COL5A2: variants seen among roughly 807,000 people sequenced by gnomAD.
COL5A2 encodes the protein collagen alpha-2(V) chain.
A neutral mutation model predicts 208.2 loss-of-function variants in COL5A2; 23 were observed. That is an observed-to-expected ratio of 0.11 (90% CI 0.08 to 0.16). The LOEUF (loss-of-function observed/expected upper bound fraction) is 0.16. COL5A2 is among the 10% of genes least tolerant of loss of function. The pLI, the probability that COL5A2 is intolerant of heterozygous loss-of-function variation, is 1.00. For missense variants in COL5A2, 1,590 were observed against 1,956.4 expected, an observed-to-expected ratio of 0.81 and a Z score of 3.53; for synonymous variants, 625 against 628.5, an observed-to-expected ratio of 0.99 and a Z score of 0.08.
chr2:189,376,348 A>G, the COL5A2 span, among the ~76,000 whole-genome samples: 1 of 152,138 alleles, frequency 6.6e-6, no homozygotes, highest in Non-Finnish European at 1.5e-5. Flanking sequence ...ATGAGATTTA[A>G]GTAGATGGGG....
At chr2:189,248,978 T>C in the COL5A2 span, among the ~76,000 whole-genome samples, 1 of 152,180 alleles carries the variant, frequency 6.6e-6, no homozygotes, top group East Asian at 1.9e-4. Flanking sequence ...TGATTTGGGA[T>C]AAATTAATAG....
At chr2:189,305,250 C>G in the COL5A2 span, among the ~76,000 whole-genome samples, 1 of 152,192 alleles carries the variant, frequency 6.6e-6, no homozygotes, top group South Asian at 2.1e-4. Flanking sequence ...GGCCCAACAG[C>G]AGAGCTTCGC....
chr2:189,364,685 GA>G, the COL5A2 span, among the ~76,000 whole-genome samples: 370 of 139,274 alleles, frequency 2.7e-3, 1 homozygote, highest in Middle Eastern at 7.6e-3. Flanking sequence ...CTCTGTCTCA[GA>G]AAAAAAAAAA....
chr2:189,083,827 GC>G (rs2105645098), intron 12 of COL5A2, among the ~76,000 whole-genome samples, 156 bp downstream of exon 12: 1 of 152,226 alleles, frequency 6.6e-6, no homozygotes, highest in East Asian at 1.9e-4. Context: ...AATCACTCTG[GC>G]AAAACGTCCT....
upstream of COL5A2, among the ~76,000 whole-genome samples, chr2:189,227,590 C>T (rs1689436703): frequency 6.6e-6 from 1 of 151,962 alleles, no homozygotes; most frequent in South Asian, 2.1e-4. Flanking sequence ...ACAAAATAGA[C>T]ATTATGTCAA....
At chr2:189,244,055 G>C in the COL5A2 span, among the ~76,000 whole-genome samples, 1 of 152,184 alleles carries the variant, frequency 6.6e-6, no homozygotes, top group Non-Finnish European at 1.5e-5. Context: ...CCTGGGCCAG[G>C]CTCATGAAAC....
intron 1 of COL5A2, among the ~76,000 whole-genome samples, chr2:189,201,343 C>A (rs1415424310): frequency 6.6e-6 from 1 of 151,616 alleles, no homozygotes; most frequent in Non-Finnish European, 1.5e-5. Context: ...TTAGTTAATC[C>A]AAAGGAGGCA....
In COL5A2 at chr2:189,032,710, T is replaced by C. The variant is rs1685360311; in HGVS notation, c.*1360A>G. On this transcript the variant is annotated 3_prime_UTR_variant, in exon 54 of 54. Coordinates refer to ENST00000374866, the MANE Select transcript of COL5A2 (RefSeq NM_000393.5). ...CCTACATGTTCTGGTCTAAGAAGCATGCAAGTATTACAAAGCATTCCAGAT... is the reference window on the plus strand; with the variant it reads ...CCTACATGTTCTGGTCTAAGAAGCACGCAAGTATTACAAAGCATTCCAGAT... 1.3e-5 allele frequency: 2 copies of C among 152,496 alleles called. No homozygotes were observed. The highest frequency in any genetic ancestry group is 6.6e-5 in the Admixed American group (1 of 15,254). 9.4% of individuals were successfully genotyped at this position (152,496 alleles called of 1,614,324 possible). A position where few individuals can be genotyped will look rare whatever the true frequency, so the allele number is the denominator to read the frequency against.
chr2:189,213,218 G>T (rs936946525), intron 1 of COL5A2, among the ~76,000 whole-genome samples: 9 of 152,050 alleles, frequency 5.9e-5, no homozygotes, highest in African/African-American at 2.2e-4. Flanking sequence ...AAATCTTAAA[G>T]GGGGGAGTTG....
At chr2:189,121,385 C>T (rs1036649201) in intron 1 of COL5A2, among the ~76,000 whole-genome samples, 2 of 152,018 alleles carry the variant, frequency 1.3e-5, no homozygotes, top group Non-Finnish European at 2.9e-5. Context: ...CCAGGTACTC[C>T]CTCTCAACCA....
chr2:189,215,836 A>G (rs1167292014), intron 1 of COL5A2, among the ~76,000 whole-genome samples: 2 of 152,168 alleles, frequency 1.3e-5, no homozygotes, highest in Non-Finnish European at 2.9e-5. Flanking sequence ...CTAAAGTAAT[A>G]GCTAATGACA....
chr2:189,399,220 G>A, the COL5A2 span, among the ~76,000 whole-genome samples: 1 of 150,018 alleles, frequency 6.7e-6, no homozygotes, highest in Non-Finnish European at 1.5e-5. Flanking sequence ...AATTCTTTCA[G>A]TCTTTGTTTA....
Position 189,083,994 on chromosome 2 carries a change from G to A in COL5A2, c.842C>T (p.Ala281Val). Residue 281 changes from alanine (A) to valine (V), a missense_variant, in exon 12 of 54, where the codon GCA becomes GTA. Coordinates refer to ENST00000374866, the MANE Select transcript of COL5A2 (RefSeq NM_000393.5). ...TGAGTATAAACTTACCGGAGATCCT[G>A]CAAATCCCACTTCACCAGGATTTCC... Reference protein sequence around the residue: ...RNGNPGEVGFAGSPGARGFPG... With the variant: ...RNGNPGEVGFVGSPGARGFPG... 1.2e-6 allele frequency: 2 copies of A among 1,612,602 alleles called. No homozygotes were observed. Among genetic ancestry groups the A allele is most frequent in the Non-Finnish European group, 1.7e-6 (2 of 1,178,750 alleles).
chr2:189,365,764 C>A, the COL5A2 span, among the ~76,000 whole-genome samples: 1 of 152,136 alleles, frequency 6.6e-6, no homozygotes, highest in Non-Finnish European at 1.5e-5. Context: ...ATTATCTTGT[C>A]TACATTATTT....
Position 189,064,634 on chromosome 2 carries a change from G to A in COL5A2, c.1639C>T (p.Pro547Ser). Residue 547 changes from proline to serine, a missense_variant, in exon 25 of 54, where the codon CCT (proline) becomes TCT (serine). By Grantham distance (74) the Pro-to-Ser change is moderately conservative (BLOSUM62 -1). Transcript: ENST00000374866. The stretch of plus-strand genomic sequence containing the variant: ...CCTTTGGGTCCTGAAGAACCTACAG[G>A]ACCCCGTTCTCCTTGAGCACCCTGT... The part of the protein sequence containing the change: ...GPKGAQGERG[P>S]VGSSGPKGSQ... 1 of 1,613,758 alleles carries A rather than the reference G, an allele frequency of 6.2e-7. No individual in the cohort carries two copies. Among genetic ancestry groups the A allele is most frequent in the Non-Finnish European group, 8.5e-7 (1 of 1,179,860 alleles).
chr2:189,423,893 G>T, the COL5A2 span, among the ~76,000 whole-genome samples: 1 of 150,402 alleles, frequency 6.6e-6, no homozygotes, highest in Non-Finnish European at 1.5e-5. Context: ...TCAGACGAGG[G>T]GGAAAAAAAA....
At chr2:189,267,100 C>T in the COL5A2 span, among the ~76,000 whole-genome samples, 2 of 151,926 alleles carry the variant, frequency 1.3e-5, no homozygotes, top group Non-Finnish European at 1.5e-5. Context: ...TTTGGTTGGC[C>T]TATTTGATTT....
At position 189,092,324 on chromosome 2, in the gene COL5A2, C is replaced by T. The variant is rs775933907; in HGVS notation, c.553G>A (p.Asp185Asn). Residue 185 changes from aspartate (D) to asparagine (N), a missense_variant, in exon 7 of 54, where the codon GAT (aspartate) becomes AAT (asparagine). By Grantham distance (23) the Asp-to-Asn change is conservative. Transcript: ENST00000374866. The stretch of plus-strand genomic sequence containing the variant: ...ACACAACTCACCCTGCTCAAGCCAT[C>T]GGGTCCTGGGTGGGACGGATGTCCA... ...PPGHPSHPGPDGLSRPFSAQM... is the reference protein window; with the variant it reads ...PPGHPSHPGPNGLSRPFSAQM... 8.1e-6 allele frequency: 13 copies of T among 1,606,416 alleles called. No individual in the cohort carries two copies. Among genetic ancestry groups the T allele is most frequent in the South Asian group, 1.1e-5 (1 of 89,470 alleles).
Position 189,058,420 on chromosome 2 carries a change from GA to G in COL5A2, c.2229+8del, listed in dbSNP as rs774507426. On this transcript the variant is annotated splice_region_variant and intron_variant, in intron 33 of 53. Transcript: ENST00000374866. The stretch of plus-strand genomic sequence containing the variant: ...CATTTTAAAACACTGAGATCACTAT[GA>G]CACTTACTTTTGGGCCATCAGGACC... 6.2e-7 allele frequency: 1 copy of G among 1,607,108 alleles called. No homozygotes were observed. Among genetic ancestry groups the G allele is most frequent in the East Asian group, 2.2e-5 (1 of 44,810 alleles).
Sources: allele counts gnomAD v4.1 joint callset (sites outside exome capture counted in the v4.1 genomes callset), GRCh38; gene constraint gnomAD v4.1.1; transcripts MANE v1.5; gene names NCBI Gene and HGNC (gene_info 2026-07-23, HGNC 2026-07-21).